Variants in CACNG8 observed in about 807,000 individuals in gnomAD.
CACNG8 encodes voltage-dependent calcium channel gamma-8 subunit.
A neutral mutation model predicts 26.9 loss-of-function variants in CACNG8; 5 were observed. That is an observed-to-expected ratio of 0.19 (90% CI 0.10 to 0.39). CACNG8 has a LOEUF of 0.39. CACNG8 is among the 10% of genes least tolerant of loss of function. The pLI, the probability that CACNG8 is intolerant of heterozygous loss-of-function variation, is 1.00. For missense variants in CACNG8, 473 were observed against 609.4 expected (o/e 0.78, Z 2.36); for synonymous variants, 321 against 296.7 (o/e 1.08, Z -0.84).
intron 3 of CACNG8, 104 bp downstream of exon 3, chr19:53,980,111 C>A: frequency 1.6e-6 from 2 of 1,254,126 alleles, no homozygotes; most frequent in Non-Finnish European, 2.1e-6. Flanking sequence ...AGTGCAAGTG[C>A]GCGTTCGTGT....
chr19:53,969,860 G>A (rs1394257362), intron 1 of CACNG8, among the ~76,000 whole-genome samples: 8 of 152,162 alleles, frequency 5.3e-5, no homozygotes, highest in East Asian at 3.9e-4. Context: ...AGCTGGGCGC[G>A]GTGGCTCACA....
In CACNG8 at chr19:53,987,743, GT is replaced by G. The variant is rs2069416294; in HGVS notation, c.*4895del. The G allele has an allele frequency of 6.6e-6, 1 of 152,266 alleles. No homozygotes were observed. The highest frequency in any genetic ancestry group is 2.4e-5 in the African/African-American group (1 of 41,466). The allele number at this position is 152,266 out of a possible 1,614,324, so 9.4% of individuals were successfully genotyped here. ...AGGAACCAAGGCTTCTCTTTTGGAT[GT>G]GTCAAGATAGATCTGCCTTCGAGAA... is the stretch of plus-strand genomic sequence containing the variant. On this transcript the variant is annotated 3_prime_UTR_variant, in exon 4 of 4. Coordinates refer to ENST00000270458, the MANE Select transcript of CACNG8 (RefSeq NM_031895.6).
Position 53,963,807 on chromosome 19 carries a change from T to C in CACNG8, c.283+382T>C, listed in dbSNP as rs1192919661. On this transcript the variant is annotated intron_variant, in intron 1 of 3. Coordinates refer to ENST00000270458, the MANE Select transcript of CACNG8 (RefSeq NM_031895.6). Reference sequence around the variant, plus strand: ...CACTCTGCCCTGTGCCTTTTCTCTTTTTTTTTTTTTTTTTGACAAGGTCTC... The same window carrying C: ...CACTCTGCCCTGTGCCTTTTCTCTTCTTTTTTTTTTTTTTGACAAGGTCTC... Among the ~76,000 whole-genome samples, 990 of 145,830 alleles carry C rather than the reference T, an allele frequency of 6.8e-3. 8 individuals carry two copies. Among genetic ancestry groups the C allele is most frequent in the African/African-American group, 0.024 (947 of 39,686 alleles).
chr19:53,971,057 C>G (rs551186434), intron 1 of CACNG8, among the ~76,000 whole-genome samples: 2 of 151,692 alleles, frequency 1.3e-5, no homozygotes, highest in East Asian at 1.9e-4. Context: ...TTTGGGAGGC[C>G]GAGGTGGGTG....
In CACNG8 at chr19:53,979,965, A is replaced by G. The variant is rs2069354474; in HGVS notation, c.466A>G (p.Arg156Gly). The stretch of plus-strand genomic sequence containing the variant: ...GGCCTCCCGCGTCTACAAGTCCAAG[A>G]GGAACATCATTCTGGGCGCAGGGAT... The change falls in exon 3 of 4, where the codon AGG becomes GGG. Residue 156 changes from arginine to glycine, a missense_variant. By Grantham distance (125) the Arg-to-Gly change is moderately radical. Transcript: ENST00000270458. 6.2e-7 allele frequency: 1 copy of G among 1,612,840 alleles called. No homozygotes were observed. The highest frequency in any genetic ancestry group is 8.5e-7 in the Non-Finnish European group (1 of 1,179,498).
At chr19:53,980,108 G>C in intron 3 of CACNG8, 101 bp downstream of exon 3, 2 of 1,265,132 alleles carry the variant, frequency 1.6e-6, no homozygotes, top group South Asian at 3.3e-5. Context: ...GTGAGTGCAA[G>C]TGCGCGTTCG....
chr19:53,971,108 A>T (rs149629867), intron 1 of CACNG8, among the ~76,000 whole-genome samples: 4 of 151,878 alleles, frequency 2.6e-5, no homozygotes, highest in Non-Finnish European at 5.9e-5. Flanking sequence ...CCTGGCCAAC[A>T]TGGTGAAACC....
At position 53,982,756 on chromosome 19, in the gene CACNG8, A is replaced by G. The variant is rs1381548989; in HGVS notation, c.1185A>G (p.Pro395=). The change falls in exon 4 of 4, where the codon CCA becomes CCG. Residue 395 remains proline (P), a synonymous_variant. Coordinates refer to ENST00000270458, the MANE Select transcript of CACNG8 (RefSeq NM_031895.6). The surrounding 1 kb of genome is among the most constrained non-coding windows in gnomAD (Gnocchi z 8.4). ...CGCCCGCCCCGCCCGCGCCCGCGCCACCCGCGCCCTCTGCGCCCGCCCCCG... is the reference window on the plus strand; with the variant it reads ...CGCCCGCCCCGCCCGCGCCCGCGCCGCCCGCGCCCTCTGCGCCCGCCCCCG... 3.3e-6 allele frequency: 4 copies of G among 1,206,282 alleles called. No homozygotes were observed. The highest frequency in any genetic ancestry group is 7.4e-5 in the East Asian group (2 of 27,068). 74.7% of individuals were successfully genotyped at this position (1,206,282 alleles called of 1,614,324 possible). A position where few individuals can be genotyped will look rare whatever the true frequency, so the allele number is the denominator to read the frequency against.
chr19:53,978,769 CGGGGCGGGGAGTG>C (rs1248805006), intron 2 of CACNG8, among the ~76,000 whole-genome samples: 6 of 2,990 alleles, frequency 2.0e-3, no homozygotes, highest in African/African-American at 5.9e-3. Context: ...AAGAGGAGGG[CGGGGCGGGGAGTG>C]GGGGCGGGGA....
chr19:53,965,799 T>C (rs1043620279), intron 1 of CACNG8, among the ~76,000 whole-genome samples: 7 of 151,314 alleles, frequency 4.6e-5, no homozygotes, highest in South Asian at 4.2e-4. Flanking sequence ...ATGGGAGGGG[T>C]CAGGGATCCC....
intron 1 of CACNG8, among the ~76,000 whole-genome samples, chr19:53,971,562 G>A (rs780593577): frequency 6.6e-6 from 1 of 152,182 alleles, no homozygotes; most frequent in Non-Finnish European, 1.5e-5. Context: ...CCCAGCTTGT[G>A]CCCCCTCCTC....
intron 1 of CACNG8, among the ~76,000 whole-genome samples, chr19:53,968,072 G>A (rs1178371325): frequency 2.6e-5 from 4 of 151,554 alleles, no homozygotes; most frequent in Non-Finnish European, 5.9e-5. Flanking sequence ...TCAGATGGAT[G>A]GAATCACTTA....
In CACNG8 at chr19:53,963,340, C is replaced by G; in HGVS notation, c.198C>G (p.Pro66=). 1 of 1,598,636 alleles carries G rather than the reference C, an allele frequency of 6.3e-7. No homozygotes were observed. Among genetic ancestry groups the G allele is most frequent in the South Asian group, 1.1e-5 (1 of 90,524 alleles). ...CGGCCGGCGGCGACGACGGGACCCC[C>G]CACCGCGGGGGCGGCGGCGCCTCGG... Residue 66 remains proline (P), a synonymous_variant, in exon 1 of 4, where the codon CCC becomes CCG. Coordinates refer to ENST00000270458, the MANE Select transcript of CACNG8 (RefSeq NM_031895.6).
intron 1 of CACNG8, among the ~76,000 whole-genome samples, chr19:53,977,488 G>A (rs1309075960): frequency 6.6e-6 from 1 of 152,078 alleles, no homozygotes; most frequent in Non-Finnish European, 1.5e-5. Flanking sequence ...GACCCCTAGA[G>A]GCATACTCCA....
At position 53,963,353 on chromosome 19, in the gene CACNG8, G is replaced by T; in HGVS notation, c.211G>T (p.Gly71Cys). Residue 71 changes from glycine to cysteine, a missense_variant, in exon 1 of 4, where the codon GGC becomes TGC. Physicochemically the swap from Gly to Cys is radical, Grantham distance 159. Around this residue, in one of 6 missense-constraint regions of CACNG8, gnomAD observed 69 missense variants for 66.7 expected, o/e 1.03. Coordinates refer to ENST00000270458, the MANE Select transcript of CACNG8 (RefSeq NM_031895.6). ...CGACGGGACCCCCCACCGCGGGGGC[G>T]GCGGCGCCTCGGAGAAGAAGGACCC... The T allele has an allele frequency of 6.3e-7, 1 of 1,592,768 alleles. No homozygotes were observed. The highest frequency in any genetic ancestry group is 1.7e-5 in the Admixed American group (1 of 58,718).
chr19:53,980,067 TGTGTGTGTGTGTGTGTGTGCGCGCGC>T lies in CACNG8; in HGVS notation c.508+62_508+87del, dbSNP rs2069355594. 66 of 1,383,226 alleles carry T rather than the reference TGTGTGTGTGTGTGTGTGTGCGCGCGC, an allele frequency of 4.8e-5. 1 individual carries two copies. The South Asian group carries it at 9.6e-4, about 20-fold the overall frequency. 85.7% of individuals were successfully genotyped at this position (1,383,226 alleles called of 1,614,324 possible). ...CCACCTGGGCGCGCACGTGTGTGTG[TGTGTGTGTGTGTGTGTGTGCGCGCGC>T]GCGCGTGAGTGCAAGTGCGCGTTCG... On this transcript the variant is annotated intron_variant, in intron 3 of 3. Transcript: ENST00000270458.
Position 53,964,647 on chromosome 19 carries a change from G to C in CACNG8, c.283+1222G>C, listed in dbSNP as rs371294015. Among the ~76,000 whole-genome samples the C allele has an allele frequency of 1.4e-4, 22 of 152,062 alleles. No homozygotes were observed. In the East Asian group the frequency reaches 1.9e-3, roughly 13 times the overall value. On this transcript the variant is annotated intron_variant, in intron 1 of 3. Transcript: ENST00000270458. ...CCTCTCACAGCTTCTCTCCTAGCTC[G>C]GCTCCCTGGCTCTCGACTTCCCCAC...
chr19:53,969,942 G>C (rs1181861744), intron 1 of CACNG8, among the ~76,000 whole-genome samples: 1 of 151,368 alleles, frequency 6.6e-6, no homozygotes, highest in African/African-American at 2.4e-5. Flanking sequence ...GACCAGCCTG[G>C]TCAACATGGC....
At chr19:53,970,141 C>A (rs1166608985) in intron 1 of CACNG8, among the ~76,000 whole-genome samples, 1 of 151,854 alleles carries the variant, frequency 6.6e-6, no homozygotes, top group Admixed American at 6.6e-5. Context: ...ACGGTGAAAC[C>A]CCATCTCTAC....
Sources: allele counts gnomAD v4.1 joint callset (sites outside exome capture counted in the v4.1 genomes callset), GRCh38; gene constraint gnomAD v4.1.1; regional missense constraint gnomAD v4.1.1; non-coding constraint Gnocchi (gnomAD v3.1); transcripts MANE v1.5; gene names NCBI Gene and HGNC (gene_info 2026-07-23, HGNC 2026-07-21).